ZNF263: variants seen among roughly 807,000 people sequenced by gnomAD.
ZNF263 encodes the protein zinc finger protein FPM315.
A neutral mutation model predicts 63.1 loss-of-function variants in ZNF263; 49 were observed. The observed-to-expected ratio is 0.78, with a 90% CI of 0.62 to 0.99. The LOEUF (loss-of-function observed/expected upper bound fraction) is 0.99. Among genes scored for constraint, ZNF263 ranks in the 50% least tolerant of loss-of-function variants. The probability of loss-of-function intolerance (pLI) is 0.00; values close to 1 mark genes in which losing one functional copy is unlikely to be tolerated. For synonymous variants in ZNF263, 352 were observed against 324.2 expected (o/e 1.09, Z -0.92); for missense variants, 872 against 854.8 (o/e 1.02, Z -0.25).
Position 3,291,275 on chromosome 16 carries a change from C to G in ZNF263, c.*717C>G. On this transcript the variant is annotated 3_prime_UTR_variant, in exon 6 of 6. Transcript: ENST00000219069. ...AACCCTTTGTGGAGAATGAGATTCC[C>G]CCCACCTGTGTGAGAAAAATAAACA... 1 of 985,342 alleles carries G rather than the reference C, an allele frequency of 1.0e-6. No homozygotes were observed. Among genetic ancestry groups the G allele is most frequent in the Non-Finnish European group, 1.2e-6 (1 of 829,914 alleles). The allele number at this position is 985,342 out of a possible 1,614,324, so 61.0% of individuals were successfully genotyped here. A position where few individuals can be genotyped will look rare whatever the true frequency, so the allele number is the denominator to read the frequency against.
At chr16:3,288,377 G>T (rs1209583819) in intron 4 of ZNF263, 77 bp from the exon 5 acceptor site, 2 of 1,029,098 alleles carry the variant, frequency 1.9e-6, no homozygotes, top group Admixed American at 1.7e-5. Flanking sequence ...TCCACTGAGG[G>T]CAGGGAACAA....
In ZNF263 at chr16:3,284,021, G is replaced by T; in HGVS notation, c.203G>T (p.Gly68Val). The T allele has an allele frequency of 6.2e-7, 1 of 1,613,904 alleles. No individual in the cohort carries two copies. The highest frequency in any genetic ancestry group is 8.5e-7 in the Non-Finnish European group (1 of 1,179,964). ...ALSRLQELCH[G>V]WLRPEMRTKE... ...AGCCGGCTCCAAGAGCTTTGCCATG[G>T]GTGGCTTCGGCCTGAGATGCGCACG... is the stretch of plus-strand genomic sequence containing the variant. Residue 68 changes from glycine (G) to valine (V), a missense_variant, in exon 1 of 6, where the codon GGG becomes GTG. Physicochemically the swap from Gly to Val is moderately radical, Grantham distance 109. Coordinates refer to ENST00000219069, the MANE Select transcript of ZNF263 (RefSeq NM_005741.5).
At chr16:3,288,295 A>C (rs927481350) in intron 4 of ZNF263, among the ~76,000 whole-genome samples, 159 bp from the exon 5 acceptor site, 1 of 151,812 alleles carries the variant, frequency 6.6e-6, no homozygotes, top group South Asian at 2.1e-4. Flanking sequence ...CTTTCTCTAG[A>C]GGTATCCACT....
rs954892403 is a variant in ZNF263 at position 3,297,378 on chromosome 16, T to G, written c.152-1728T>G. Among the ~76,000 whole-genome samples, 41 of 151,584 alleles carry G rather than the reference T, an allele frequency of 2.7e-4. 1 individual carries two copies. The highest frequency in any genetic ancestry group is 7.4e-5 in the Non-Finnish European group (5 of 67,940). ...GAGCAAGAGTGGACCCCAGTAGTTC[T>G]GTATTTAGTCACTAATTTTATACTA... is the stretch of plus-strand genomic sequence containing the variant. On this transcript the variant is annotated intron_variant, in intron 1 of 2. Coordinates refer to the ZNF263 transcript ENST00000574674.
At chr16:3,285,864 C>G in intron 3 of ZNF263, 110 bp downstream of exon 3, 1 of 1,517,500 alleles carries the variant, frequency 6.6e-7, no homozygotes, top group Admixed American at 1.7e-5. Flanking sequence ...AGCGTCTCCC[C>G]CACTGCTTTG....
At chr16:3,299,768 T>C in intron 2 of ZNF263, 3 of 1,557,370 alleles carry the variant, frequency 1.9e-6, no homozygotes, top group Non-Finnish European at 2.6e-6. Context: ...TCATGAAATC[T>C]TAGAACATTA....
intron 2 of ZNF263, chr16:3,300,283 G>A (rs542996458): frequency 1.2e-6 from 2 of 1,614,188 alleles, no homozygotes; most frequent in Admixed American, 1.7e-5. Flanking sequence ...AAAACACCGT[G>A]CAAATCTCTC....
At chr16:3,294,216 C>T (rs1310636096), downstream of ZNF263, among the ~76,000 whole-genome samples, 2 of 152,200 alleles carry the variant, frequency 1.3e-5, no homozygotes, top group Non-Finnish European at 2.9e-5. Flanking sequence ...TGAGCCACCG[C>T]GCCCCGCCTA....
downstream of ZNF263, among the ~76,000 whole-genome samples, chr16:3,292,020 A>G (rs890121774): frequency 1.4e-4 from 22 of 152,166 alleles, no homozygotes; most frequent in African/African-American, 5.3e-4. Context: ...CCTTCTTCCC[A>G]TCTTGGCCTC....
chr16:3,297,372 T>C (rs1959778696), intron 1 of ZNF263, among the ~76,000 whole-genome samples: 2 of 151,096 alleles, frequency 1.3e-5, no homozygotes, highest in Admixed American at 1.3e-4. Flanking sequence ...TGGACCCCAG[T>C]AGTTCTGTAT....
rs1168352573 is a variant in ZNF263 at position 3,297,456 on chromosome 16, CTTTTTTTTTT to C, written c.152-1633_152-1624del. 3.8e-4 allele frequency among the ~76,000 whole-genome samples: 29 copies of C among 76,472 alleles called. 1 individual carries two copies. The South Asian group carries it at 8.0e-3, about 21-fold the overall frequency. 50.2% of individuals were successfully genotyped at this position (76,472 alleles called of 152,430 possible). A position where few individuals can be genotyped will look rare whatever the true frequency, so the allele number is the denominator to read the frequency against. On this transcript the variant is annotated intron_variant, in intron 1 of 2. Transcript: ENST00000574674. ...AGAATACCCATCTCAGAAACAGATT[CTTTTTTTTTT>C]TTTTTTTTTTTTTTTTGAGACGGAG... is the stretch of plus-strand genomic sequence containing the variant.
In ZNF263 at chr16:3,290,420, C is replaced by T. The variant is rs746518044; in HGVS notation, c.1914C>T (p.Asp638=). Residue 638 remains aspartate, a synonymous_variant, in exon 6 of 6, where the codon GAC becomes GAT. Coordinates refer to ENST00000219069, the MANE Select transcript of ZNF263 (RefSeq NM_005741.5). ...EKPYTCHECG[D]SFSHSSNRIR... is the part of the protein sequence containing the mutation. ...CCTATACCTGTCATGAGTGCGGAGA[C>T]AGCTTCTCTCACAGCTCCAATCGGA... 5 of 1,614,128 alleles carry T rather than the reference C, an allele frequency of 3.1e-6. No homozygotes were observed. Among genetic ancestry groups the T allele is most frequent in the Middle Eastern group, 1.6e-4 (1 of 6,062 alleles).
intron 1 of ZNF263, 35 bp from the exon 2 acceptor site, chr16:3,285,024 T>G (rs1469794220): frequency 6.2e-7 from 1 of 1,611,300 alleles, no homozygotes; most frequent in Admixed American, 1.7e-5. Context: ...TCTTGGGCCC[T>G]GTTGTGATGA....
intron 1 of ZNF263, 84 bp from the exon 2 acceptor site, chr16:3,284,975 G>A: frequency 2.6e-6 from 4 of 1,526,716 alleles, no homozygotes; most frequent in Non-Finnish European, 2.7e-6. Flanking sequence ...GTTCTCTGTT[G>A]AAGGTTTGCT....
At chr16:3,294,430 GGA>G (rs1281554985), downstream of ZNF263, among the ~76,000 whole-genome samples, 2 of 152,148 alleles carry the variant, frequency 1.3e-5, no homozygotes, top group East Asian at 3.8e-4. Flanking sequence ...ACTTAATTTT[GGA>G]GGTCAGGAAC....
In ZNF263 at chr16:3,289,819, A is replaced by C. The variant is rs759833600; in HGVS notation, c.1313A>C (p.Glu438Ala). Residue 438 changes from glutamate (E) to alanine (A), a missense_variant, in exon 6 of 6, where the codon GAA (glutamate) becomes GCA (alanine). By Grantham distance (107) the Glu-to-Ala change is moderately radical. Coordinates refer to ENST00000219069, the MANE Select transcript of ZNF263 (RefSeq NM_005741.5). ...GGAGAGGAGGCCCACAAGTGCCTTG[A>C]ATGTGGGAAATGCTTCAGTCAGAAC... ...HLGEEAHKCLECGKCFSQNTH... is the reference protein window; with the variant it reads ...HLGEEAHKCLACGKCFSQNTH... 4 of 1,614,124 alleles carry C rather than the reference A, an allele frequency of 2.5e-6. No individual in the cohort carries two copies. Among genetic ancestry groups the C allele is most frequent in the Non-Finnish European group, 3.4e-6 (4 of 1,180,058 alleles).
At chr16:3,300,391 G>C (rs1959904465) in intron 2 of ZNF263, 2 of 1,614,092 alleles carry the variant, frequency 1.2e-6, no homozygotes, top group East Asian at 2.2e-5. Context: ...ACCATATTTG[G>C]CTCCCGTTGT....
rs771435366 is a variant in ZNF263, at chr16:3,290,188, T to G, written c.1682T>G (p.Phe561Cys). The change falls in exon 6 of 6, where the codon TTT becomes TGT. Residue 561 changes from phenylalanine (F) to cysteine (C), a missense_variant. Phe to Cys is a radical substitution (Grantham distance 205). Transcript: ENST00000219069. ...CGEAVSDSTPFLTNHGAHKAE... is the reference protein window; with the variant it reads ...CGEAVSDSTPCLTNHGAHKAE... Reference sequence around the variant, plus strand: ...GAAGCTGTGAGTGACAGCACCCCCTTTCTTACAAACCATGGAGCCCATAAG... The same window carrying G: ...GAAGCTGTGAGTGACAGCACCCCCTGTCTTACAAACCATGGAGCCCATAAG... 2 of 1,614,128 alleles carry G rather than the reference T, an allele frequency of 1.2e-6. No homozygotes were observed. The highest frequency in any genetic ancestry group is 2.2e-5 in the South Asian group (2 of 91,076).
downstream of ZNF263, among the ~76,000 whole-genome samples, chr16:3,294,475 CATTTATTTATTT>C (rs373123918): frequency 5.3e-5 from 8 of 152,148 alleles, no homozygotes; most frequent in African/African-American, 1.9e-4. Flanking sequence ...AAGCAAAATG[CATTTATTTATTT>C]ATTTATTTAT....
Sources: allele counts gnomAD v4.1 joint callset (sites outside exome capture counted in the v4.1 genomes callset), GRCh38; gene constraint gnomAD v4.1.1; transcripts MANE v1.5; gene names NCBI Gene and HGNC (gene_info 2026-07-23, HGNC 2026-07-21).